The following PNPLA1 variants were observed in gnomAD, a reference collection of about 807,000 sequenced individuals.
The protein encoded by PNPLA1 is patatin like domain 1, omega-hydroxyceramide transacylase.
A neutral mutation model predicts 51.7 loss-of-function variants in PNPLA1; 36 were observed. The ratio of observed to expected loss-of-function variants is 0.70; its 90% CI spans 0.53 to 0.92. The LOEUF is 0.92. Ranked by LOEUF, PNPLA1 falls within the 40% of genes least tolerant of loss-of-function variation. The probability of loss-of-function intolerance (pLI) is 0.00; values close to 1 mark genes in which losing one functional copy is unlikely to be tolerated. For synonymous variants in PNPLA1, 293 were observed against 280.1 expected, an observed-to-expected ratio of 1.05 and a Z score of -0.46; for missense variants, 658 against 682.5, an observed-to-expected ratio of 0.96 and a Z score of 0.40.
chr6:36,263,541 G>C (rs1461910794), intron 1 of PNPLA1, among the ~76,000 whole-genome samples: 1 of 152,180 alleles, frequency 6.6e-6, no homozygotes, highest in Non-Finnish European at 1.5e-5. Context: ...GAAGTGACGT[G>C]ATTAGGACTC....
chr6:36,310,492 G>T (rs1771364159), intron 8 of PNPLA1, among the ~76,000 whole-genome samples: 1 of 152,216 alleles, frequency 6.6e-6, no homozygotes, highest in Non-Finnish European at 1.5e-5. Flanking sequence ...AAGTCTGTGA[G>T]ATGCCCCAAG....
chr6:36,295,452 G>T (rs984713200), intron 5 of PNPLA1, 28 bp downstream of exon 5: 5 of 1,609,962 alleles, frequency 3.1e-6, no homozygotes. Flanking sequence ...CCCAGGTAAG[G>T]GCAGTGTTGG....
intron 6 of PNPLA1, among the ~76,000 whole-genome samples, chr6:36,303,381 C>A (rs1027706953): frequency 2.0e-5 from 3 of 152,336 alleles, no homozygotes; most frequent in South Asian, 2.1e-4. Context: ...GCGTGAGCCA[C>A]CGCGCCCAGC....
Position 36,270,453 on chromosome 6 carries a change from C to T in PNPLA1, c.-7C>T, listed in dbSNP as rs977198797. On this transcript the variant is annotated 5_prime_UTR_variant, in exon 1 of 9. Coordinates refer to ENST00000636260, the MANE Select transcript of PNPLA1 (RefSeq NM_001374623.1). The stretch of plus-strand genomic sequence containing the variant: ...CCGCCTTCCGCAGAAAGTCAGAGGC[C>T]GAGGAGATGGAAGAACAGGTGTTCA... 1.9e-5 allele frequency: 29 copies of T among 1,550,910 alleles called. No individual in the cohort carries two copies. In the African/African-American group the frequency reaches 3.1e-4, roughly 17 times the overall value.
At chr6:36,267,850 C>T (rs973750180), upstream of PNPLA1, among the ~76,000 whole-genome samples, 3 of 152,036 alleles carry the variant, frequency 2.0e-5, no homozygotes, top group African/African-American at 7.3e-5. Context: ...TAAAATCATC[C>T]TCCACCCAGC....
At chr6:36,282,136 G>GCAAT (rs1770324223) in intron 1 of PNPLA1, among the ~76,000 whole-genome samples, 2 of 124,042 alleles carry the variant, frequency 1.6e-5, no homozygotes, top group Non-Finnish European at 3.3e-5. Flanking sequence ...AAGGAAGGAA[G>GCAAT]GAAAGAGAGA....
upstream of PNPLA1, among the ~76,000 whole-genome samples, chr6:36,266,411 C>T (rs1413435217): frequency 5.3e-5 from 8 of 152,266 alleles, no homozygotes; most frequent in South Asian, 4.1e-4. Flanking sequence ...GTCATAGATC[C>T]GCACACCATA....
intron 2 of PNPLA1, among the ~76,000 whole-genome samples, chr6:36,292,348 C>T (rs1450378741): frequency 2.0e-5 from 3 of 152,134 alleles, no homozygotes; most frequent in East Asian, 1.9e-4. Context: ...TGCCTCCTCA[C>T]GCCCACCCCC....
intron 6 of PNPLA1, 31 bp downstream of exon 6, chr6:36,302,500 C>G (rs1771094355): frequency 6.6e-7 from 1 of 1,514,132 alleles, no homozygotes; most frequent in Non-Finnish European, 8.8e-7. Context: ...TTATGACTTT[C>G]TCATGCCTGG....
chr6:36,275,628 GTCTATT>G (rs1161459586), intron 1 of PNPLA1, among the ~76,000 whole-genome samples: 1 of 152,050 alleles, frequency 6.6e-6, no homozygotes, highest in African/African-American at 2.4e-5. Context: ...TGGCTAATTT[GTCTATT>G]TCTGTTTTAA....
intron 1 of PNPLA1, among the ~76,000 whole-genome samples, chr6:36,261,723 T>C (rs1769653517): frequency 6.6e-6 from 1 of 152,194 alleles, no homozygotes; most frequent in South Asian, 2.1e-4. Context: ...AGTTTGATTA[T>C]TTTCCCATTT....
chr6:36,288,521 C>T (rs1770575318), intron 1 of PNPLA1, among the ~76,000 whole-genome samples: 1 of 150,776 alleles, frequency 6.6e-6, no homozygotes. Flanking sequence ...GGCGCAATCT[C>T]GGCTCACTGC....
At chr6:36,267,609 T>C (rs988220465), upstream of PNPLA1, among the ~76,000 whole-genome samples, 28 of 152,254 alleles carry the variant, frequency 1.8e-4, no homozygotes, top group African/African-American at 6.7e-4. Flanking sequence ...CCCAGGTGCC[T>C]GAAGCCCATG....
intron 1 of PNPLA1, among the ~76,000 whole-genome samples, chr6:36,275,394 T>C (rs1315363643): frequency 6.6e-6 from 1 of 152,206 alleles, no homozygotes; most frequent in Admixed American, 6.5e-5. Flanking sequence ...CTCTTATAAT[T>C]TGTGTTTTAA....
chr6:36,258,088 C>T (rs540701416), intron 1 of PNPLA1, among the ~76,000 whole-genome samples: 2 of 152,284 alleles, frequency 1.3e-5, no homozygotes, highest in Non-Finnish European at 2.9e-5. Context: ...GCCTCCCAAA[C>T]TGCCTGGATT....
chr6:36,285,628 T>C lies in PNPLA1; in HGVS notation c.206-5692T>C, dbSNP rs529741528. Among the ~76,000 whole-genome samples the C allele has an allele frequency of 2.6e-5, 4 of 152,302 alleles. No individual in the cohort carries two copies. In the South Asian group the frequency reaches 8.3e-4, roughly 32 times the overall value. On this transcript the variant is annotated intron_variant, in intron 1 of 8. Coordinates refer to ENST00000636260, the MANE Select transcript of PNPLA1 (RefSeq NM_001374623.1). ...GCTTCAGTTTCTGGAGTTCATTCAT[T>C]CATCCATTATTCATGCCTGCGTGCA...
intron 1 of PNPLA1, among the ~76,000 whole-genome samples, chr6:36,244,963 G>A (rs751972550): frequency 6.6e-6 from 1 of 152,240 alleles, no homozygotes; most frequent in African/African-American, 2.4e-5. Flanking sequence ...TAAAGGCAGG[G>A]AGGCAGAGGT....
Position 36,293,133 on chromosome 6 carries a change from G to A in PNPLA1, c.504+7G>A, listed in dbSNP as rs369322242. The A allele has an allele frequency of 2.0e-5, 33 of 1,613,522 alleles. No homozygotes were observed. The highest frequency in any genetic ancestry group is 2.8e-5 in the Non-Finnish European group (33 of 1,179,468). ...CCCGACTTACCGCGGTGTGGTGAGT[G>A]CTTCGGCATGGTGAGGGGTGAGATG... On this transcript the variant is annotated splice_region_variant and intron_variant, in intron 3 of 8. Coordinates refer to ENST00000636260, the MANE Select transcript of PNPLA1 (RefSeq NM_001374623.1).
At chr6:36,287,221 A>G (rs1020773420) in intron 1 of PNPLA1, among the ~76,000 whole-genome samples, 1 of 152,180 alleles carries the variant, frequency 6.6e-6, no homozygotes, top group African/African-American at 2.4e-5. Flanking sequence ...TGGTGGGCAT[A>G]GAATATGGCC....
Sources: allele counts gnomAD v4.1 joint callset (sites outside exome capture counted in the v4.1 genomes callset), GRCh38; gene constraint gnomAD v4.1.1; transcripts MANE v1.5; gene names NCBI Gene and HGNC (gene_info 2026-07-23, HGNC 2026-07-21).